The following RSRC1 variants were observed in gnomAD, a reference collection of about 807,000 sequenced individuals.
The protein encoded by RSRC1 is serine/Arginine-related protein 53.
Under a neutral mutation model 49.1 loss-of-function variants are expected in RSRC1, and 39 were observed. That is an observed-to-expected ratio of 0.79 (90% CI 0.61 to 1.04). The LOEUF (loss-of-function observed/expected upper bound fraction) is 1.04. RSRC1 is among the 50% of genes least tolerant of loss of function. The pLI is 0.00. For synonymous variants in RSRC1, 143 were observed against 130.8 expected, an observed-to-expected ratio of 1.09 and a Z score of -0.63; for missense variants, 388 against 402.4, an observed-to-expected ratio of 0.96 and a Z score of 0.31.
chr3:158,319,548 C>T (rs1358985516), intron 5 of RSRC1, among the ~76,000 whole-genome samples: 1 of 152,114 alleles, frequency 6.6e-6, no homozygotes, highest in Non-Finnish European at 1.5e-5. Flanking sequence ...ACAATTTAAG[C>T]TCAGTGTAGG....
intron 3 of RSRC1, among the ~76,000 whole-genome samples, chr3:158,199,401 G>C (rs935282518): frequency 6.6e-6 from 1 of 151,972 alleles, no homozygotes; most frequent in Non-Finnish European, 1.5e-5. Context: ...ATTTGTATTG[G>C]TTATTTGTAT....
At chr3:158,339,209 G>A (rs1013677150) in intron 5 of RSRC1, among the ~76,000 whole-genome samples, 8 of 150,256 alleles carry the variant, frequency 5.3e-5, no homozygotes, top group African/African-American at 2.0e-4. Flanking sequence ...GGAGAATGGC[G>A]TGAACCCGGG....
intron 4 of RSRC1, among the ~76,000 whole-genome samples, chr3:158,290,304 G>A (rs1375623925): frequency 6.6e-6 from 1 of 151,968 alleles, no homozygotes; most frequent in Non-Finnish European, 1.5e-5. Context: ...ATGGAGTCTT[G>A]CTCTGTCTCC....
At chr3:158,229,953 T>G (rs1722859756) in intron 4 of RSRC1, among the ~76,000 whole-genome samples, 1 of 152,064 alleles carries the variant, frequency 6.6e-6, no homozygotes, top group Non-Finnish European at 1.5e-5. Flanking sequence ...GAGTTCATAG[T>G]CCAGCAGTCC....
At chr3:158,372,332 T>C (rs1191575061) in intron 6 of RSRC1, among the ~76,000 whole-genome samples, 1 of 151,964 alleles carries the variant, frequency 6.6e-6, no homozygotes, top group Middle Eastern at 3.2e-3. Flanking sequence ...TGTTTATATA[T>C]GATGAAGTAT....
chr3:158,515,457 C>A (rs1204661536), intron 7 of RSRC1, among the ~76,000 whole-genome samples: 2 of 136,014 alleles, frequency 1.5e-5, no homozygotes, highest in African/African-American at 2.9e-5. Flanking sequence ...AGCGTTTCTG[C>A]CGAGAGATCC....
At chr3:158,454,787 A>G (rs879846305) in intron 6 of RSRC1, among the ~76,000 whole-genome samples, 1 of 152,138 alleles carries the variant, frequency 6.6e-6, no homozygotes. Context: ...GTTCATCTTT[A>G]TATTTGACAA....
intron 4 of RSRC1, among the ~76,000 whole-genome samples, chr3:158,222,608 G>A (rs540164386): frequency 9.3e-5 from 14 of 151,284 alleles, no homozygotes; most frequent in South Asian, 2.1e-4. Context: ...TTCATTCTCC[G>A]TCCCCCACCC....
At position 158,336,238 on chromosome 3, in the gene RSRC1, C is replaced by T. The variant is rs1168359658; in HGVS notation, c.532-18619C>T. Among the ~76,000 whole-genome samples the T allele has an allele frequency of 2.0e-5, 3 of 152,248 alleles. 1 individual carries two copies. The highest frequency in any genetic ancestry group is 7.2e-5 in the African/African-American group (3 of 41,468). On this transcript the variant is annotated intron_variant, in intron 5 of 9. Transcript: ENST00000611884. ...TGGTCCTACGCTTCAGAGGCCTCTC[C>T]ATTCATTGGTCCGGCCCCTGGCTGC...
At chr3:158,541,926 T>G (rs1201467373) in intron 8 of RSRC1, among the ~76,000 whole-genome samples, 1 of 152,142 alleles carries the variant, frequency 6.6e-6, no homozygotes, top group Admixed American at 6.5e-5. Flanking sequence ...ATTTATTAGT[T>G]GTATCCCCAG....
intron 6 of RSRC1, among the ~76,000 whole-genome samples, chr3:158,447,713 A>C (rs1736797162): frequency 6.6e-6 from 1 of 151,908 alleles, no homozygotes; most frequent in South Asian, 2.1e-4. Flanking sequence ...GTTTCCTTTC[A>C]TGAATTGAAG....
intron 6 of RSRC1, among the ~76,000 whole-genome samples, chr3:158,421,598 G>T (rs1216140269): frequency 6.6e-6 from 1 of 151,860 alleles, no homozygotes; most frequent in Non-Finnish European, 1.5e-5. Context: ...ATTAATGGTT[G>T]TGAGAAGGTG....
rs1217658946 is a variant in RSRC1, at chr3:158,288,841, C to A, written c.495-9198C>A. On this transcript the variant is annotated intron_variant, in intron 4 of 9. Coordinates refer to ENST00000611884, the MANE Select transcript of RSRC1 (RefSeq NM_001271838.2). ...ATACAGATGCACGTTCCCCGCCCCC[C>A]CCCCCCCCAAATATTTTTGATCTGT... Among the ~76,000 whole-genome samples, 39 of 89,526 alleles carry A rather than the reference C, an allele frequency of 4.4e-4. 5 individuals carry two copies. In the South Asian group the frequency reaches 0.011, roughly 25 times the overall value. The allele number at this position is 89,526 out of a possible 152,430, so 58.7% of individuals were successfully genotyped here.
chr3:158,194,532 ATATG>A (rs954844571), intron 3 of RSRC1, among the ~76,000 whole-genome samples: 5 of 141,242 alleles, frequency 3.5e-5, no homozygotes, highest in Non-Finnish European at 1.5e-5. Context: ...GTTTTAGGGT[ATATG>A]TGCACAACGT....
intron 5 of RSRC1, among the ~76,000 whole-genome samples, chr3:158,301,711 A>G (rs1299700646): frequency 6.6e-6 from 1 of 152,196 alleles, no homozygotes; most frequent in Non-Finnish European, 1.5e-5. Context: ...TCCAATGAAT[A>G]TAGTTATGTT....
chr3:158,118,711 G>T (rs1667892650), intron 1 of RSRC1, among the ~76,000 whole-genome samples: 1 of 151,968 alleles, frequency 6.6e-6, no homozygotes, highest in Non-Finnish European at 1.5e-5. Context: ...CTTATATTTT[G>T]TTGTATATTC....
At chr3:158,122,886 ATG>A (rs1715372599) in intron 2 of RSRC1, among the ~76,000 whole-genome samples, 1 of 152,184 alleles carries the variant, frequency 6.6e-6, no homozygotes, top group Non-Finnish European at 1.5e-5. Flanking sequence ...AGCTTCATCT[ATG>A]TGCCTACAAA....
At chr3:158,398,195 T>A (rs1322319719) in intron 6 of RSRC1, among the ~76,000 whole-genome samples, 1 of 152,102 alleles carries the variant, frequency 6.6e-6, no homozygotes, top group Non-Finnish European at 1.5e-5. Context: ...AATATGAGAC[T>A]CTTCAGTGAG....
chr3:158,457,555 T>A (rs947779009), intron 6 of RSRC1, among the ~76,000 whole-genome samples: 1 of 152,142 alleles, frequency 6.6e-6, no homozygotes, highest in African/African-American at 2.4e-5. Flanking sequence ...GATAGACATA[T>A]GTGTTACAAT....
Sources: allele counts gnomAD v4.1 joint callset (sites outside exome capture counted in the v4.1 genomes callset), GRCh38; gene constraint gnomAD v4.1.1; transcripts MANE v1.5; gene names NCBI Gene and HGNC (gene_info 2026-07-23, HGNC 2026-07-21).